Variants in GYPB observed in about 807,000 individuals in gnomAD.
GYPB encodes the protein glycophorin-B.
Under a neutral mutation model 15.3 loss-of-function variants are expected in GYPB, and 13 were observed. That is an observed-to-expected ratio of 0.85 (90% CI 0.55 to 1.35). The LOEUF (loss-of-function observed/expected upper bound fraction) is 1.35. Ranked by LOEUF, GYPB falls within the 40% of genes most tolerant of loss-of-function variation. The pLI, the probability that GYPB is intolerant of heterozygous loss-of-function variation, is 0.00. For missense variants in GYPB, 131 were observed against 108.3 expected (o/e 1.21, Z -0.93); for synonymous variants, 38 against 36.9 (o/e 1.03, Z -0.11).
At chr4:144,009,886 T>C (rs1299938653) in intron 1 of GYPB, among the ~76,000 whole-genome samples, 1 of 151,084 alleles carries the variant, frequency 6.6e-6, no homozygotes, top group Admixed American at 6.6e-5. Context: ...GTGATGGGAT[T>C]ACAGGCTTGG....
intron 1 of GYPB, among the ~76,000 whole-genome samples, chr4:144,006,920 G>T (rs1415928289): frequency 6.6e-6 from 1 of 151,138 alleles, no homozygotes; most frequent in African/African-American, 2.5e-5. Context: ...GTCTTGGACA[G>T]AATTAACGTA....
chr4:144,013,952 C>T lies in GYPB; in HGVS notation c.37+5299G>A, dbSNP rs556753571. ...ATAATGGGTGAAGGACTAGAACCAA[C>T]ATTTCTCCAAAGATATGCAAAATGC... On this transcript the variant is annotated intron_variant, in intron 1 of 4. Coordinates refer to ENST00000502664, the MANE Select transcript of GYPB (RefSeq NM_002100.6). Among the ~76,000 whole-genome samples the T allele has an allele frequency of 4.0e-5, 6 of 151,432 alleles. No homozygotes were observed. In the South Asian group the frequency reaches 1.2e-3, roughly 31 times the overall value.
chr4:143,997,914 C>T (rs1311003236), intron 3 of GYPB, among the ~76,000 whole-genome samples: 1 of 151,190 alleles, frequency 6.6e-6, no homozygotes, highest in Non-Finnish European at 1.5e-5. Flanking sequence ...GCGTTCTTCA[C>T]TAGTGTAACT....
At chr4:144,006,115 G>A (rs2149962386) in intron 1 of GYPB, among the ~76,000 whole-genome samples, 1 of 151,934 alleles carries the variant, frequency 6.6e-6, no homozygotes, top group South Asian at 2.1e-4. Context: ...CAGTTTTCAG[G>A]CACTGAAATG....
chr4:144,001,890 A>G (rs1446635866), intron 1 of GYPB, among the ~76,000 whole-genome samples: 3 of 139,612 alleles, frequency 2.1e-5, no homozygotes. Context: ...CATTGCATGA[A>G]CCCAGGAGGC....
intron 1 of GYPB, among the ~76,000 whole-genome samples, chr4:144,014,373 A>G (rs1485428233): frequency 6.6e-6 from 1 of 151,810 alleles, no homozygotes; most frequent in Non-Finnish European, 1.5e-5. Context: ...GATAAGCAAA[A>G]TGTGATATAC....
chr4:144,015,659 T>C (rs1472846740), intron 1 of GYPB, among the ~76,000 whole-genome samples: 1 of 151,400 alleles, frequency 6.6e-6, no homozygotes, highest in Non-Finnish European at 1.5e-5. Context: ...TGAGATACCA[T>C]CCCTACTTTC....
chr4:143,995,474 G>A (rs1727275173), downstream of GYPB, among the ~76,000 whole-genome samples: 1 of 151,192 alleles, frequency 6.6e-6, no homozygotes, highest in Non-Finnish European at 1.5e-5. Flanking sequence ...ACTAGAAGAG[G>A]AAACGTGCTG....
rs1410347545 is a variant in GYPB, at chr4:143,996,111, T to C, written c.*188A>G. On this transcript the variant is annotated 3_prime_UTR_variant, in exon 5 of 5. Coordinates refer to ENST00000502664, the MANE Select transcript of GYPB (RefSeq NM_002100.6). ...ATGACTATAATACATGAAAACGGTT[T>C]GTATTTTGTTTTATTTTTATTTAGA... The C allele has an allele frequency of 7.1e-6, 10 of 1,404,972 alleles. No homozygotes were observed. Among genetic ancestry groups the C allele is most frequent in the Non-Finnish European group, 9.4e-6 (10 of 1,061,034 alleles). The allele number at this position is 1,404,972 out of a possible 1,614,324, so 87.0% of individuals were successfully genotyped here. A position where few individuals can be genotyped will look rare whatever the true frequency, so the allele number is the denominator to read the frequency against.
chr4:143,998,050 A>G (rs1323128204), intron 3 of GYPB, among the ~76,000 whole-genome samples: 1 of 151,544 alleles, frequency 6.6e-6, no homozygotes, highest in Non-Finnish European at 1.5e-5. Context: ...AACAGATCAT[A>G]GAATCATAAT....
rs369933876 is a variant in GYPB, at chr4:144,017,085, T to G, written c.37+2166A>C. Among the ~76,000 whole-genome samples, 165 of 150,866 alleles carry G rather than the reference T, an allele frequency of 1.1e-3. 2 individuals are homozygous for G. The highest frequency in any genetic ancestry group is 3.4e-3 in the Middle Eastern group (1 of 294). ...TGCATTCCCTCCCACCATCCACTGC[T>G]CCCACCCTCCGTGTATCCTCCATGG... On this transcript the variant is annotated intron_variant, in intron 1 of 4. Transcript: ENST00000502664.
chr4:144,015,737 T>G (rs72729505), intron 1 of GYPB, among the ~76,000 whole-genome samples: 1 of 151,096 alleles, frequency 6.6e-6, no homozygotes, highest in Admixed American at 6.6e-5. Context: ...AAAACCCTAT[T>G]TCACACCATG....
At chr4:144,010,269 G>A (rs1413473459) in intron 1 of GYPB, among the ~76,000 whole-genome samples, 1 of 151,140 alleles carries the variant, frequency 6.6e-6, no homozygotes, top group Non-Finnish European at 1.5e-5. Context: ...CTTGAGACCA[G>A]CCTGGGCAAT....
At chr4:144,007,368 C>G (rs1727975944) in intron 1 of GYPB, among the ~76,000 whole-genome samples, 2 of 151,948 alleles carry the variant, frequency 1.3e-5, no homozygotes, top group Non-Finnish European at 1.5e-5. Flanking sequence ...AGTCCCCATA[C>G]AACTAATTGG....
intron 1 of GYPB, among the ~76,000 whole-genome samples, chr4:144,017,098 G>T (rs1728541957): frequency 6.6e-6 from 1 of 150,874 alleles, no homozygotes; most frequent in South Asian, 2.1e-4. Context: ...CACCCTCCGT[G>T]TATCCTCCAT....
chr4:143,998,182 A>G (rs1727425787), intron 3 of GYPB, among the ~76,000 whole-genome samples: 1 of 151,418 alleles, frequency 6.6e-6, no homozygotes, highest in Non-Finnish European at 1.5e-5. Context: ...GGTCATCTAT[A>G]TTCTAAGCTT....
intron 1 of GYPB, among the ~76,000 whole-genome samples, chr4:144,013,663 G>A (rs367665063): frequency 4.7e-5 from 7 of 147,446 alleles, no homozygotes; most frequent in Admixed American, 2.1e-4. Flanking sequence ...GTAAACTATC[G>A]CAAGAACAAA....
At chr4:144,008,801 G>T (rs1728064527) in intron 1 of GYPB, among the ~76,000 whole-genome samples, 1 of 151,450 alleles carries the variant, frequency 6.6e-6, no homozygotes, top group Non-Finnish European at 1.5e-5. Flanking sequence ...AAACTAGTTT[G>T]TTCTCATCCT....
chr4:144,014,228 C>G (rs1728373838), intron 1 of GYPB, among the ~76,000 whole-genome samples: 2 of 151,810 alleles, frequency 1.3e-5, no homozygotes, highest in Admixed American at 6.5e-5. Context: ...TACTATGACC[C>G]AGCAATTCTA....
Sources: gnomAD v4.1 joint callset for allele counts (sites outside exome capture counted in the v4.1 genomes callset) on GRCh38, gnomAD v4.1.1 for gene constraint, MANE v1.5 for transcripts, NCBI Gene and HGNC (gene_info 2026-07-23, HGNC 2026-07-21) for gene names.